The following SLC4A10 variants were observed in gnomAD, a reference collection of about 807,000 sequenced individuals.
SLC4A10 encodes sodium-driven chloride bicarbonate exchanger.
Under a neutral mutation model 137.7 loss-of-function variants are expected in SLC4A10, and 42 were observed. The ratio of observed to expected loss-of-function variants is 0.30; its 90% CI spans 0.24 to 0.39. SLC4A10 has a LOEUF of 0.39. SLC4A10 is among the 10% of genes least tolerant of loss of function. SLC4A10 has a pLI of 1.00. For missense variants in SLC4A10, 925 were observed against 1,355.0 expected, an observed-to-expected ratio of 0.68 and a Z score of 4.98; for synonymous variants, 474 against 464.1, an observed-to-expected ratio of 1.02 and a Z score of -0.27.
chr2:161,953,758 T>A (rs533176209), intron 19 of SLC4A10, among the ~76,000 whole-genome samples: 14 of 152,320 alleles, frequency 9.2e-5, no homozygotes, highest in African/African-American at 3.1e-4. Context: ...ATCCTTTGGA[T>A]GGCTCCAGAG....
intron 2 of SLC4A10, among the ~76,000 whole-genome samples, chr2:161,780,229 A>G (rs1233421488): frequency 6.6e-6 from 1 of 152,066 alleles, no homozygotes; most frequent in African/African-American, 2.4e-5. Context: ...CTCTATAGCT[A>G]TGCTAAAAGA....
chr2:161,787,836 T>C (rs2053795020), intron 2 of SLC4A10, among the ~76,000 whole-genome samples: 2 of 152,186 alleles, frequency 1.3e-5, no homozygotes, highest in Non-Finnish European at 2.9e-5. Context: ...TTCTTTGTAT[T>C]GGTTTTCAAC....
intron 1 of SLC4A10, among the ~76,000 whole-genome samples, chr2:161,668,590 T>C (rs2039347721): frequency 6.6e-6 from 1 of 151,868 alleles, no homozygotes; most frequent in Non-Finnish European, 1.5e-5. Flanking sequence ...AACCTTATGA[T>C]TCTATAACAT....
In SLC4A10 at chr2:161,771,067, T is replaced by A; in HGVS notation, c.130+13T>A. On this transcript the variant is annotated intron_variant, in intron 2 of 26. Coordinates refer to ENST00000446997, the MANE Select transcript of SLC4A10 (RefSeq NM_001178015.2). The stretch of plus-strand genomic sequence containing the variant: ...GAAGATTTAGAAGGTAAGACCATTT[T>A]TCTTGGGATAGCTATTGGTGTGCTT... 2 of 1,564,844 alleles carry A rather than the reference T, an allele frequency of 1.3e-6. No individual in the cohort carries two copies. Among genetic ancestry groups the A allele is most frequent in the East Asian group, 4.5e-5 (2 of 43,982 alleles).
At chr2:161,697,156 T>C (rs1443242965) in intron 1 of SLC4A10, among the ~76,000 whole-genome samples, 1 of 151,630 alleles carries the variant, frequency 6.6e-6, no homozygotes, top group Non-Finnish European at 1.5e-5. Flanking sequence ...TGGGGTTTTT[T>C]GTTTTTTTCT....
intron 15 of SLC4A10, among the ~76,000 whole-genome samples, chr2:161,913,430 T>A (rs1212540237): frequency 6.6e-6 from 1 of 152,186 alleles, no homozygotes; most frequent in Non-Finnish European, 1.5e-5. Flanking sequence ...TAAAGCCACT[T>A]GACAGAATAG....
intron 1 of SLC4A10, among the ~76,000 whole-genome samples, chr2:161,691,324 G>C (rs1044036811): frequency 6.6e-6 from 1 of 150,506 alleles, no homozygotes; most frequent in Non-Finnish European, 1.5e-5. Context: ...GGGAAGGGTA[G>C]GTGGGGGTGG....
intron 23 of SLC4A10, among the ~76,000 whole-genome samples, chr2:161,969,524 A>G (rs781524984): frequency 2.0e-5 from 3 of 152,156 alleles, no homozygotes; most frequent in Non-Finnish European, 2.9e-5. Context: ...AGGCCATTGT[A>G]CACATTTGAC....
chr2:161,680,932 A>G (rs1223611388), intron 1 of SLC4A10, among the ~76,000 whole-genome samples: 1 of 152,132 alleles, frequency 6.6e-6, no homozygotes, highest in East Asian at 1.9e-4. Flanking sequence ...TTACAGAGGA[A>G]GAGATAGATA....
At chr2:161,910,644 A>G (rs1022332793) in intron 15 of SLC4A10, among the ~76,000 whole-genome samples, 6 of 152,090 alleles carry the variant, frequency 3.9e-5, no homozygotes, top group Admixed American at 6.5e-5. Flanking sequence ...TCTGATATAT[A>G]TGTAGGCTAG....
intron 1 of SLC4A10, among the ~76,000 whole-genome samples, chr2:161,669,223 T>C (rs772573968): frequency 2.6e-5 from 4 of 151,908 alleles, no homozygotes; most frequent in Non-Finnish European, 5.9e-5. Flanking sequence ...TTCAATGTCT[T>C]TCCTACCAAA....
At chr2:161,808,154 A>C (rs1048508820) in intron 3 of SLC4A10, among the ~76,000 whole-genome samples, 3 of 152,170 alleles carry the variant, frequency 2.0e-5, no homozygotes, top group African/African-American at 7.2e-5. Flanking sequence ...GTATATTATT[A>C]GTTCTTTAAA....
At chr2:161,900,148 A>G (rs530545143) in intron 11 of SLC4A10, among the ~76,000 whole-genome samples, 1 of 152,214 alleles carries the variant, frequency 6.6e-6, no homozygotes, top group Non-Finnish European at 1.5e-5. Flanking sequence ...TTTAGGTAGA[A>G]CTTTCTGATT....
At chr2:161,795,080 G>A (rs1453523532) in intron 2 of SLC4A10, among the ~76,000 whole-genome samples, 1 of 152,032 alleles carries the variant, frequency 6.6e-6, no homozygotes, top group Non-Finnish European at 1.5e-5. Context: ...GAAAACAGAT[G>A]AAGTATGTTA....
At chr2:161,648,256 C>T (rs752206025) in intron 1 of SLC4A10, among the ~76,000 whole-genome samples, 1 of 151,898 alleles carries the variant, frequency 6.6e-6, no homozygotes, top group Non-Finnish European at 1.5e-5. Context: ...AGTTTACTTA[C>T]CTGAGGCTGC....
intron 1 of SLC4A10, chr2:161,708,896 C>A: frequency 2.8e-6 from 4 of 1,446,750 alleles, no homozygotes; most frequent in Non-Finnish European, 3.7e-6. Flanking sequence ...AGTTCTTACT[C>A]ATTGAAAATA....
intron 1 of SLC4A10, among the ~76,000 whole-genome samples, chr2:161,667,156 T>C (rs1487633235): frequency 6.6e-6 from 1 of 151,676 alleles, no homozygotes; most frequent in African/African-American, 2.4e-5. Flanking sequence ...CTGAGAATTT[T>C]AAGCACCCCA....
chr2:161,909,631 C>T (rs1035283978), intron 15 of SLC4A10, among the ~76,000 whole-genome samples: 2 of 152,192 alleles, frequency 1.3e-5, no homozygotes, highest in Admixed American at 6.5e-5. Context: ...GCTTCCAGTG[C>T]CACTTACACT....
In SLC4A10 at chr2:161,927,621, A is replaced by C. The variant is rs1689418238; in HGVS notation, c.1998-15171A>C. 1.3e-5 allele frequency among the ~76,000 whole-genome samples: 2 copies of C among 152,222 alleles called. 1 individual carries two copies. Among genetic ancestry groups the C allele is most frequent in the Non-Finnish European group, 2.9e-5 (2 of 68,032 alleles). The stretch of plus-strand genomic sequence containing the variant: ...GGGAGAAAATTTTCGCAACCTACTC[A>C]TCTGACAAAGGGCTAATATCCAGAA... On this transcript the variant is annotated intron_variant, in intron 15 of 26. Coordinates refer to ENST00000446997, the MANE Select transcript of SLC4A10 (RefSeq NM_001178015.2).
Sources: allele counts gnomAD v4.1 joint callset (sites outside exome capture counted in the v4.1 genomes callset), GRCh38; gene constraint gnomAD v4.1.1; transcripts MANE v1.5; gene names NCBI Gene and HGNC (gene_info 2026-07-23, HGNC 2026-07-21).